Variants in MEF2C observed in about 807,000 individuals in gnomAD.
MEF2C encodes myocyte-specific enhancer factor 2C.
MEF2C carries 6 observed loss-of-function variants against 50.5 expected under a neutral mutation model. That is an observed-to-expected ratio of 0.12 (90% confidence interval 0.07 to 0.23). The LOEUF (loss-of-function observed/expected upper bound fraction) is 0.23. MEF2C is among the 10% of genes least tolerant of loss of function. MEF2C has a pLI of 1.00. For missense variants in MEF2C, 276 were observed against 605.0 expected, an observed-to-expected ratio of 0.46 and a Z score of 5.70; for synonymous variants, 183 against 228.0, an observed-to-expected ratio of 0.80 and a Z score of 1.78.
chr5:88,751,209 G>A, intron 5 of MEF2C: 1 of 982,934 alleles, frequency 1.0e-6, no homozygotes, highest in Non-Finnish European at 1.2e-6. Context: ...AACTTTTTCT[G>A]AGAAATAATT....
chr5:88,753,606 G>A (rs1216479427), intron 4 of MEF2C, among the ~76,000 whole-genome samples: 1 of 152,146 alleles, frequency 6.6e-6, no homozygotes, highest in African/African-American at 2.4e-5. Context: ...GCCCAGGCTG[G>A]TCTTGAACTC....
intron 6 of MEF2C, chr5:88,733,418 T>G (rs1481485711): frequency 1.7e-5 from 17 of 985,142 alleles, no homozygotes; most frequent in Non-Finnish European, 1.9e-5. Flanking sequence ...AATGAAAGTT[T>G]CAGAGTAGAG....
intron 3 of MEF2C, chr5:88,771,354 T>A: frequency 1.3e-6 from 1 of 775,144 alleles, no homozygotes; most frequent in South Asian, 5.8e-5. Context: ...CCTTATTTAC[T>A]CCTCCTCTCA....
At chr5:88,880,259 AAAAAAGTGTAACTTTATTAATAATCTCTT>A (rs1296478527) in intron 1 of MEF2C, among the ~76,000 whole-genome samples, 1 of 152,168 alleles carries the variant, frequency 6.6e-6, no homozygotes, top group African/African-American at 2.4e-5. Flanking sequence ...TGCTTTTGAA[AAAAAAGTGTAACTTTATTAATAATCTCTT>A]AACAGTTCAT....
At chr5:88,734,191 T>C in intron 6 of MEF2C, 1 of 985,156 alleles carries the variant, frequency 1.0e-6, no homozygotes, top group Non-Finnish European at 1.2e-6. Flanking sequence ...AAAAAGAGAA[T>C]AAGAACATCA....
chr5:88,739,300 A>G (rs953809179), intron 6 of MEF2C: 1 of 984,224 alleles, frequency 1.0e-6, no homozygotes, highest in African/African-American at 1.7e-5. Flanking sequence ...TGAAGTATCA[A>G]TTTGCTGCTT....
chr5:88,824,847 G>A (rs1810118639), intron 1 of MEF2C: 1 of 151,886 alleles, frequency 6.6e-6, no homozygotes. Context: ...CATGAGATAA[G>A]CCCAAGAAAC....
At chr5:88,862,783 G>A (rs561828610) in intron 1 of MEF2C, among the ~76,000 whole-genome samples, 11 of 152,180 alleles carry the variant, frequency 7.2e-5, no homozygotes, top group Non-Finnish European at 1.5e-4. Flanking sequence ...TGGGCGCTGA[G>A]GAGGAGTATG....
intron 3 of MEF2C, among the ~76,000 whole-genome samples, chr5:88,765,510 A>T (rs1444904538): frequency 1.3e-5 from 2 of 152,260 alleles, no homozygotes; most frequent in Non-Finnish European, 2.9e-5. Context: ...TGTTAGATTC[A>T]GCCAAGTCTG....
At chr5:88,723,836 T>C (rs1236048764) in intron 10 of MEF2C, among the ~76,000 whole-genome samples, 1 of 152,262 alleles carries the variant, frequency 6.6e-6, no homozygotes, top group African/African-American at 2.4e-5. Context: ...ACTGTGTTTA[T>C]AATCCTTAAT....
intron 6 of MEF2C, chr5:88,738,763 T>A: frequency 1.0e-6 from 1 of 985,398 alleles, no homozygotes; most frequent in Non-Finnish European, 1.2e-6. Flanking sequence ...TTGAGGGACA[T>A]GTTGTAAGGT....
At chr5:88,807,089 T>C (rs1009060598) in intron 2 of MEF2C, among the ~76,000 whole-genome samples, 1 of 152,068 alleles carries the variant, frequency 6.6e-6, no homozygotes, top group African/African-American at 2.4e-5. Context: ...CCTTACTTAA[T>C]AATAATTACA....
intron 1 of MEF2C, among the ~76,000 whole-genome samples, chr5:88,891,663 G>T (rs1687114791): frequency 6.6e-6 from 1 of 152,064 alleles, no homozygotes. Context: ...GCCTGTCTCG[G>T]CCACCCAAAG....
chr5:88,808,021 A>G (rs927842244), intron 2 of MEF2C, among the ~76,000 whole-genome samples: 2 of 152,030 alleles, frequency 1.3e-5, no homozygotes, highest in African/African-American at 4.8e-5. Flanking sequence ...TTTTATTTTC[A>G]TATCTGATTA....
At chr5:88,819,259 T>C in intron 2 of MEF2C, 1 of 762,644 alleles carries the variant, frequency 1.3e-6, no homozygotes, top group Non-Finnish European at 1.6e-6. Context: ...ACTAGATGCA[T>C]CATGACATAA....
chr5:88,740,688 A>AC (rs1335832709), intron 6 of MEF2C: 4 of 985,262 alleles, frequency 4.1e-6, no homozygotes, highest in Non-Finnish European at 4.8e-6. Context: ...AAAAAAAAAA[A>AC]AAACCCAAAT....
At chr5:88,747,294 T>C (rs1581673960) in intron 6 of MEF2C, among the ~76,000 whole-genome samples, 1 of 151,314 alleles carries the variant, frequency 6.6e-6, no homozygotes, top group African/African-American at 2.4e-5. Context: ...CAAAGCTGAG[T>C]AGGCCATGTT....
intron 1 of MEF2C, among the ~76,000 whole-genome samples, chr5:88,847,142 T>C (rs1819629391): frequency 6.6e-6 from 1 of 152,220 alleles, no homozygotes; most frequent in Non-Finnish European, 1.5e-5. Flanking sequence ...TTATTCATCA[T>C]TTACAGAAGA....
At position 88,717,608 on chromosome 5, in the gene MEF2C, A is replaced by G. The variant is rs911501574; in HGVS notation, c.*4996T>C. The G allele has an allele frequency of 6.6e-6, 1 of 152,220 alleles. No individual in the cohort carries two copies. Among genetic ancestry groups the G allele is most frequent in the African/African-American group, 2.4e-5 (1 of 41,460 alleles). The allele number at this position is 152,220 out of a possible 1,614,324, so 9.4% of individuals were successfully genotyped here. On this transcript the variant is annotated 3_prime_UTR_variant, in exon 11 of 11. Coordinates refer to ENST00000504921, the MANE Select transcript of MEF2C (RefSeq NM_002397.5). ...TCGAACTGCATTCTTTTTGGAGCAG[A>G]TATCACTACTAATGCAAAAGTCCAA...
Sources: allele counts gnomAD v4.1 joint callset (sites outside exome capture counted in the v4.1 genomes callset), GRCh38; gene constraint gnomAD v4.1.1; transcripts MANE v1.5; gene names NCBI Gene and HGNC (gene_info 2026-07-23, HGNC 2026-07-21).